NCAM2: variants seen among roughly 807,000 people sequenced by gnomAD.
NCAM2 encodes N-CAM-2.
In NCAM2, 30 loss-of-function variants were observed where a neutral mutation model predicts 98.1. The ratio of observed to expected loss-of-function variants is 0.31; its 90% confidence interval spans 0.23 to 0.41. NCAM2 has a LOEUF of 0.41. NCAM2 is among the 10% of genes least tolerant of loss of function. The pLI, the probability that NCAM2 is intolerant of heterozygous loss-of-function variation, is 1.00. For missense variants in NCAM2, 867 were observed against 1,005.8 expected (o/e 0.86, Z 1.87); for synonymous variants, 368 against 342.4 (o/e 1.07, Z -0.83).
intron 5 of NCAM2, among the ~76,000 whole-genome samples, chr21:21,304,285 G>A (rs147614060): frequency 2.0e-5 from 3 of 150,600 alleles, no homozygotes; most frequent in East Asian, 2.0e-4. Context: ...AATTTCTTAC[G>A]ATATTGTGAC....
At chr21:21,265,141 A>AAT (rs201643520) in intron 1 of NCAM2, among the ~76,000 whole-genome samples, 1 of 119,680 alleles carries the variant, frequency 8.4e-6, no homozygotes, top group Admixed American at 9.9e-5. Flanking sequence ...ATACATATAT[A>AAT]ATATATATAC....
chr21:21,441,774 C>T (rs1359619075), intron 12 of NCAM2, among the ~76,000 whole-genome samples: 2 of 152,044 alleles, frequency 1.3e-5, no homozygotes, highest in African/African-American at 4.8e-5. Context: ...AAGCTGCTAA[C>T]AAAAGTGCCC....
chr21:21,441,844 G>T (rs1323139480), intron 12 of NCAM2, among the ~76,000 whole-genome samples: 2 of 152,108 alleles, frequency 1.3e-5, no homozygotes, highest in African/African-American at 4.8e-5. Flanking sequence ...TTGCACTAGA[G>T]AGAAAAAATC....
intron 12 of NCAM2, among the ~76,000 whole-genome samples, chr21:21,461,183 A>G (rs1806983907): frequency 6.6e-6 from 1 of 151,958 alleles, no homozygotes; most frequent in Non-Finnish European, 1.5e-5. Context: ...TTTTTCTTGC[A>G]TAAATAATTT....
intron 15 of NCAM2, among the ~76,000 whole-genome samples, chr21:21,490,060 T>C (rs982586415): frequency 6.6e-6 from 1 of 152,062 alleles, no homozygotes; most frequent in African/African-American, 2.4e-5. Context: ...CCAAAAACCT[T>C]TAGTTTTGTT....
intron 1 of NCAM2, among the ~76,000 whole-genome samples, chr21:21,137,936 C>G (rs1451163805): frequency 8.3e-6 from 1 of 119,844 alleles, no homozygotes; most frequent in Non-Finnish European, 1.7e-5. Flanking sequence ...GAAGGTGACA[C>G]TGGATTTGTG....
intron 1 of NCAM2, among the ~76,000 whole-genome samples, chr21:21,034,704 G>A (rs2064762446): frequency 1.3e-5 from 2 of 151,998 alleles, no homozygotes; most frequent in African/African-American, 2.4e-5. Flanking sequence ...CAATGGATAG[G>A]GCTAGAATCT....
chr21:21,112,490 A>C (rs894184498), intron 1 of NCAM2, among the ~76,000 whole-genome samples: 6 of 152,164 alleles, frequency 3.9e-5, no homozygotes, highest in African/African-American at 1.4e-4. Flanking sequence ...AAGTTGAACC[A>C]TATCTGGTGC....
intron 1 of NCAM2, among the ~76,000 whole-genome samples, chr21:21,048,737 C>T (rs1468152633): frequency 2.0e-5 from 3 of 152,192 alleles, no homozygotes; most frequent in African/African-American, 4.8e-5. Flanking sequence ...ACCTGGGGCA[C>T]ATGTTCTCAG....
intron 1 of NCAM2, among the ~76,000 whole-genome samples, chr21:21,245,013 T>G (rs1264174902): frequency 6.6e-6 from 1 of 152,054 alleles, no homozygotes; most frequent in Non-Finnish European, 1.5e-5. Flanking sequence ...ATAACCAGTA[T>G]TCAAGGGGGT....
At chr21:21,465,181 T>C (rs140039100) in intron 12 of NCAM2, among the ~76,000 whole-genome samples, 2 of 152,224 alleles carry the variant, frequency 1.3e-5, no homozygotes, top group Non-Finnish European at 2.9e-5. Flanking sequence ...ATTTATCTGG[T>C]ATTAAGTAAT....
At chr21:21,014,806 A>G (rs150902892) in intron 1 of NCAM2, among the ~76,000 whole-genome samples, 2 of 152,308 alleles carry the variant, frequency 1.3e-5, no homozygotes, top group East Asian at 1.9e-4. Context: ...GGCAAAGTCA[A>G]TTGAAAACCT....
intron 12 of NCAM2, among the ~76,000 whole-genome samples, chr21:21,438,430 T>C (rs232406): frequency 0.36 from 55,462 of 152,032 alleles, 10,228 homozygotes; most frequent in South Asian, 0.48. Flanking sequence ...CCAGGCCTAT[T>C]ATTATATTCT....
chr21:21,382,697 G>GTTTT (rs898662610), intron 9 of NCAM2, among the ~76,000 whole-genome samples: 2 of 151,306 alleles, frequency 1.3e-5, no homozygotes, highest in African/African-American at 4.8e-5. Context: ...GTTTTGTTTT[G>GTTTT]TTTTTTGTAT....
intron 1 of NCAM2, among the ~76,000 whole-genome samples, chr21:21,122,905 C>G (rs1196305590): frequency 6.6e-6 from 1 of 152,148 alleles, no homozygotes; most frequent in East Asian, 1.9e-4. Flanking sequence ...CTATTGCAGT[C>G]TCGTGTACAC....
chr21:21,214,746 T>TATATATATGTATAC (rs11268201), intron 1 of NCAM2, among the ~76,000 whole-genome samples: 9 of 100,608 alleles, frequency 8.9e-5, no homozygotes, highest in Non-Finnish European at 1.5e-4. Flanking sequence ...TATATATATA[T>TATATATATGTATAC]ACACTATATA....
intron 14 of NCAM2, among the ~76,000 whole-genome samples, chr21:21,473,265 G>T (rs149335458): frequency 6.7e-6 from 1 of 149,362 alleles, no homozygotes; most frequent in Non-Finnish European, 1.5e-5. Context: ...TTGCCCATTT[G>T]TAAACTCTTC....
At chr21:21,318,916 A>C (rs1361331022) in intron 5 of NCAM2, among the ~76,000 whole-genome samples, 1 of 152,144 alleles carries the variant, frequency 6.6e-6, no homozygotes, top group Non-Finnish European at 1.5e-5. Flanking sequence ...CAGAATACAG[A>C]AGCAGGCGTA....
intron 1 of NCAM2, among the ~76,000 whole-genome samples, chr21:21,098,016 A>G (rs998800563): frequency 7.5e-5 from 2 of 26,670 alleles, no homozygotes; most frequent in African/African-American, 1.2e-4. Flanking sequence ...GCGAAATACA[A>G]TGAAAAGAAT....
Sources: allele counts gnomAD v4.1 joint callset (sites outside exome capture counted in the v4.1 genomes callset), GRCh38; gene constraint gnomAD v4.1.1; transcripts MANE v1.5; gene names NCBI Gene and HGNC (gene_info 2026-07-23, HGNC 2026-07-21).